The following CD99 variants were observed in gnomAD, a reference collection of about 807,000 sequenced individuals.
CD99 encodes the protein CD99 antigen.
Under a neutral mutation model 28.4 loss-of-function variants are expected in CD99, and 19 were observed. That is an observed-to-expected ratio of 0.67 (90% CI 0.47 to 0.98). CD99 has a LOEUF of 0.98. Ranked by LOEUF, CD99 falls within the 50% of genes least tolerant of loss-of-function variation. CD99 has a pLI of 0.00. For synonymous variants in CD99, 103 were observed against 92.1 expected (o/e 1.12, Z -0.67); for missense variants, 283 against 248.8 (o/e 1.14, Z -0.92).
chrX:2,708,317 G>A (rs1004951509), intron 1 of CD99, among the ~76,000 whole-genome samples: 3 of 152,060 alleles, frequency 2.0e-5, no homozygotes, highest in Admixed American at 6.6e-5. Flanking sequence ...AATCGAGAGC[G>A]GGTCACCTCC....
At position 2,729,989 on chromosome X, in the gene CD99, C is replaced by G. The variant is rs148016758; in HGVS notation, c.475+3616C>G. 2.6e-3 allele frequency among the ~76,000 whole-genome samples: 402 copies of G among 151,820 alleles called. 1 individual carries two copies. The highest frequency in any genetic ancestry group is 9.3e-3 in the African/African-American group (386 of 41,434). ...GCAACATAGTGAAACCTCATCTCTA[C>G]AAAAAATGTAAAAAATTAGCTGGGC... On this transcript the variant is annotated intron_variant, in intron 8 of 9. Transcript: ENST00000381192.
At chrX:2,718,827 G>C (rs186962331) in intron 3 of CD99, among the ~76,000 whole-genome samples, 6 of 152,260 alleles carry the variant, frequency 3.9e-5, no homozygotes, top group African/African-American at 1.4e-4. Context: ...TAGCACTTCT[G>C]AGTTTTCTAA....
intron 8 of CD99, among the ~76,000 whole-genome samples, chrX:2,731,267 G>A (rs767878071): frequency 1.3e-5 from 2 of 152,276 alleles, no homozygotes; most frequent in South Asian, 4.1e-4. Flanking sequence ...TTCATAAGAA[G>A]GATGTGAGTA....
chrX:2,715,795 G>C (rs2048678745), intron 2 of CD99, among the ~76,000 whole-genome samples: 1 of 152,098 alleles, frequency 6.6e-6, no homozygotes, highest in Non-Finnish European at 1.5e-5. Flanking sequence ...CATCACTGTA[G>C]GCTCTGCCTT....
At chrX:2,717,023 T>A (rs1253255914) in intron 2 of CD99, among the ~76,000 whole-genome samples, 4 of 152,214 alleles carry the variant, frequency 2.6e-5, no homozygotes, top group Non-Finnish European at 5.9e-5. Context: ...TCCTGGCTTA[T>A]GTCTCAGTCA....
At chrX:2,731,088 A>T (rs1012899289) in intron 8 of CD99, among the ~76,000 whole-genome samples, 2 of 152,190 alleles carry the variant, frequency 1.3e-5, no homozygotes, top group African/African-American at 4.8e-5. Flanking sequence ...TCTCAGTGAC[A>T]TGATTTTGTT....
intron 1 of CD99, among the ~76,000 whole-genome samples, chrX:2,706,175 C>T (rs1311884356): frequency 5.3e-5 from 8 of 151,800 alleles, no homozygotes; most frequent in African/African-American, 1.5e-4. Context: ...CTGGCTACCA[C>T]GGTGAAACCC....
At chrX:2,714,874 A>G (rs2048612626) in intron 2 of CD99, 1 of 161,758 alleles carries the variant, frequency 6.2e-6, no homozygotes, top group African/African-American at 2.4e-5. Context: ...CTGCCTTATT[A>G]TAAAAACTAG....
At chrX:2,732,641 C>G (rs1375836784) in intron 8 of CD99, among the ~76,000 whole-genome samples, 1 of 138,824 alleles carries the variant, frequency 7.2e-6, no homozygotes. Context: ...CCTCCTTTTC[C>G]TTTTTCTCTC....
intron 8 of CD99, chrX:2,727,168 C>A: frequency 1.4e-6 from 1 of 706,914 alleles, no homozygotes; most frequent in Non-Finnish European, 2.6e-6. Flanking sequence ...ACCAGCACAG[C>A]GGATTCCCTT....
chrX:2,695,163 C>T (rs960509441), intron 1 of CD99, among the ~76,000 whole-genome samples: 3 of 151,656 alleles, frequency 2.0e-5, no homozygotes, highest in Admixed American at 6.6e-5. Flanking sequence ...TTTATAGACA[C>T]AGTAAGAAAT....
At chrX:2,734,938 G>A (rs1332590546) in intron 8 of CD99, among the ~76,000 whole-genome samples, 7 of 152,004 alleles carry the variant, frequency 4.6e-5, no homozygotes, top group African/African-American at 1.2e-4. Flanking sequence ...CTGTGTTGGG[G>A]CACTGTATGG....
chrX:2,712,918 T>C (rs1276690834), intron 1 of CD99, among the ~76,000 whole-genome samples: 1 of 151,872 alleles, frequency 6.6e-6, no homozygotes, highest in African/African-American at 2.4e-5. Context: ...CATGCATACA[T>C]GCACCTATGC....
At chrX:2,709,913 G>GC (rs1038925080) in intron 1 of CD99, among the ~76,000 whole-genome samples, 1 of 152,024 alleles carries the variant, frequency 6.6e-6, no homozygotes, top group Non-Finnish European at 1.5e-5. Flanking sequence ...TGGGCAAATG[G>GC]CCCCCCTGAG....
chrX:2,714,347 C>A, intron 1 of CD99, 75 bp from the exon 2 acceptor site: 2 of 1,211,930 alleles, frequency 1.7e-6, no homozygotes, highest in Non-Finnish European at 2.3e-6. Flanking sequence ...AATCGCATAT[C>A]TTTTTTATCT....
At chrX:2,735,021 A>G (rs1426119689) in intron 8 of CD99, among the ~76,000 whole-genome samples, 1 of 151,590 alleles carries the variant, frequency 6.6e-6, no homozygotes, top group South Asian at 2.1e-4. Context: ...CAGCCCCCCA[A>G]CTCTTTGAAG....
At chrX:2,701,782 T>C (rs899308858) in intron 1 of CD99, among the ~76,000 whole-genome samples, 2 of 152,200 alleles carry the variant, frequency 1.3e-5, no homozygotes, top group African/African-American at 4.8e-5. Flanking sequence ...GGCCCGTCTT[T>C]GGGTAACAGC....
At chrX:2,719,598 G>A (rs1455428699) in intron 3 of CD99, 63 bp from the exon 4 acceptor site, 23 of 1,365,368 alleles carry the variant, frequency 1.7e-5, no homozygotes, top group Non-Finnish European at 2.1e-5. Flanking sequence ...ATCTGTTCAC[G>A]AGGTCATTCC....
At chrX:2,718,422 G>T (rs2048843145) in intron 3 of CD99, among the ~76,000 whole-genome samples, 1 of 150,138 alleles carries the variant, frequency 6.7e-6, no homozygotes, top group Non-Finnish European at 1.5e-5. Context: ...AGGCTGGAGT[G>T]CAGTGGCGCA....
Sources: gnomAD v4.1 joint callset for allele counts (sites outside exome capture counted in the v4.1 genomes callset) on GRCh38, gnomAD v4.1.1 for gene constraint, MANE v1.5 for transcripts, NCBI Gene and HGNC (gene_info 2026-07-23, HGNC 2026-07-21) for gene names.